Variants in ADAM8 observed in about 807,000 individuals in gnomAD.
ADAM8 encodes the protein ADAM metallopeptidase domain 8, also known as disintegrin and metalloproteinase domain-containing protein 8.
In ADAM8, 104 loss-of-function variants were observed where a neutral mutation model predicts 102.4. The ratio of observed to expected loss-of-function variants is 1.02; its 90% CI spans 0.87 to 1.20. The LOEUF (loss-of-function observed/expected upper bound fraction) is 1.20, where lower values mean the gene tolerates loss of function less well. Ranked by LOEUF, ADAM8 falls within the 50% of genes most tolerant of loss-of-function variation. The pLI is 0.00. For synonymous variants in ADAM8, 517 were observed against 485.2 expected (o/e 1.07, Z -0.86); for missense variants, 1,132 against 1,159.0 (o/e 0.98, Z 0.34).
intron 21 of ADAM8, among the ~76,000 whole-genome samples, chr10:133,266,209 G>T (rs1846317487): frequency 6.6e-6 from 1 of 152,098 alleles, no homozygotes; most frequent in Admixed American, 6.5e-5. Context: ...AGAGGGGCCG[G>T]GGGCTGAGTG....
At position 133,272,207 on chromosome 10, in the gene ADAM8, CT is replaced by C; in HGVS notation, c.942del (p.Ala316LeufsTer2). On this transcript the variant is annotated frameshift_variant, in exon 10 of 23. Transcript: ENST00000445355. LOFTEE classifies it high-confidence loss of function. ...AGCCCCCTCACCTGGTTCACAGCCCCTGAGCTGTGGGAGCACATGGCGGACA... is the reference window on the plus strand; with the variant it reads ...AGCCCCCTCACCTGGTTCACAGCCCCGAGCTGTGGGAGCACATGGCGGACA... ...ARVSAMCSHS[S>X]GAVNQDHSKN... The C allele has an allele frequency of 1.3e-6, 2 of 1,549,986 alleles. No homozygotes were observed. The highest frequency in any genetic ancestry group is 1.7e-6 in the Non-Finnish European group (2 of 1,146,770).
chr10:133,271,460 C>A, intron 12 of ADAM8, 68 bp downstream of exon 12: 2 of 1,496,774 alleles, frequency 1.3e-6, no homozygotes, highest in Non-Finnish European at 1.8e-6. Flanking sequence ...CAGTGGTCAC[C>A]CTGGCCTGAA....
In ADAM8 at chr10:133,262,853, C is replaced by T; in HGVS notation, c.*303G>A. ...TGTATATGTGGCCTCCTGAACACAG[C>T]GGGAGACCAGCGGCCACCTGGAGAC... is the stretch of plus-strand genomic sequence containing the variant. On this transcript the variant is annotated 3_prime_UTR_variant, in exon 23 of 23. Coordinates refer to ENST00000445355, the MANE Select transcript of ADAM8 (RefSeq NM_001109.5). 2.3e-6 allele frequency: 1 copy of T among 442,246 alleles called. No homozygotes were observed. The highest frequency in any genetic ancestry group is 4.1e-6 in the Non-Finnish European group (1 of 241,366). The allele number at this position is 442,246 out of a possible 1,614,324, so 27.4% of individuals were successfully genotyped here.
chr10:133,266,827 G>T (rs549483039), intron 21 of ADAM8, among the ~76,000 whole-genome samples: 207 of 152,288 alleles, frequency 1.4e-3, no homozygotes, highest in Non-Finnish European at 2.6e-3. Flanking sequence ...GGGCTCCAAG[G>T]TTAGCCCAGA....
rs371417671 is a variant in ADAM8 at position 133,269,990 on chromosome 10, G to A, written c.1786-16C>T. On this transcript the variant is annotated splice_polypyrimidine_tract_variant and intron_variant, in intron 16 of 22. Transcript: ENST00000445355. ...TCCAGCAAACCTGGGGGTAGGAGGC[G>A]TCTCTCAGGCAGCCGCTCTGGACCT... is the stretch of plus-strand genomic sequence containing the variant. 1.6e-5 allele frequency: 25 copies of A among 1,611,934 alleles called. No homozygotes were observed. The highest frequency in any genetic ancestry group is 6.7e-5 in the African/African-American group (5 of 74,922).
At chr10:133,273,731 G>A (rs1296469428) in intron 5 of ADAM8, 31 bp downstream of exon 5, 9 of 1,542,890 alleles carry the variant, frequency 5.8e-6, no homozygotes, top group Admixed American at 2.0e-5. Context: ...CTCCACCTGC[G>A]GGAGCCCTGG....
intron 21 of ADAM8, among the ~76,000 whole-genome samples, chr10:133,264,023 C>A (rs1297940828): frequency 6.6e-6 from 1 of 151,996 alleles, no homozygotes; most frequent in East Asian, 1.9e-4. Flanking sequence ...CCCTAACCAA[C>A]CCCCATATTA....
intron 6 of ADAM8, 96 bp downstream of exon 6, chr10:133,273,158 G>A (rs1037853857): frequency 2.1e-5 from 33 of 1,579,144 alleles, no homozygotes; most frequent in Admixed American, 1.5e-4. Context: ...TGCAGACAAT[G>A]GGCAGCACCC....
intron 18 of ADAM8, chr10:133,269,130 G>A (rs1022088075): frequency 1.4e-4 from 136 of 985,324 alleles, no homozygotes; most frequent in Admixed American, 6.1e-5. Flanking sequence ...AGTGGCCGCC[G>A]GGGAGGAAAT....
chr10:133,271,005 G>T lies in ADAM8; in HGVS notation c.1440C>A (p.Asp480Glu), dbSNP rs539109707. The change falls in exon 14 of 23, where the codon GAC becomes GAA. Residue 480 changes from aspartate (D) to glutamate (E), a missense_variant. Physicochemically the swap from Asp to Glu is conservative, Grantham distance 45. Coordinates refer to ENST00000445355, the MANE Select transcript of ADAM8 (RefSeq NM_001109.5). ...CTTCCGGGCACTCAGGGTGCCGGCC[G>T]TCACAGAACTCCTCGAGGTCACACA... ...KDMCDLEEFCDGRHPECPEDA... is the reference protein window; with the variant it reads ...KDMCDLEEFCEGRHPECPEDA... 6 of 1,612,702 alleles carry T rather than the reference G, an allele frequency of 3.7e-6. No individual in the cohort carries two copies. Among genetic ancestry groups the T allele is most frequent in the African/African-American group, 1.3e-5 (1 of 74,928 alleles).
chr10:133,269,294 G>C, intron 18 of ADAM8, 151 bp downstream of exon 18: 2 of 1,276,682 alleles, frequency 1.6e-6, no homozygotes, highest in Non-Finnish European at 2.1e-6. Context: ...GGACAGACAG[G>C]CTCTGCCTAT....
At chr10:133,273,921 G>C in intron 4 of ADAM8, 30 bp downstream of exon 4, 2 of 1,572,670 alleles carry the variant, frequency 1.3e-6, no homozygotes, top group Non-Finnish European at 1.7e-6. Context: ...GCCCCTACCT[G>C]CCCGCCCAGC....
chr10:133,268,627 G>A (rs1220167613), intron 19 of ADAM8, 121 bp downstream of exon 19: 15 of 1,131,590 alleles, frequency 1.3e-5, no homozygotes, highest in Non-Finnish European at 1.9e-5. Flanking sequence ...ATGACGTCGG[G>A]GCACAGAGGA....
Position 133,272,208 on chromosome 10 carries a change from T to G in ADAM8, c.942A>C (p.Ser314=), listed in dbSNP as rs746574876. The G allele has an allele frequency of 2.5e-5, 38 of 1,549,708 alleles. No homozygotes were observed. The highest frequency in any genetic ancestry group is 1.7e-6 in the Non-Finnish European group (2 of 1,146,726). The change falls in exon 10 of 23, where the codon TCA becomes TCC. Residue 314 remains serine, a synonymous_variant. Transcript: ENST00000445355. ...ARVSAMCSHS[S]GAVNQDHSKN... ...GCCCCCTCACCTGGTTCACAGCCCC[T>G]GAGCTGTGGGAGCACATGGCGGACA...
chr10:133,272,583 T>C lies in ADAM8; in HGVS notation c.708A>G (p.Leu236=). Residue 236 remains leucine, a splice_region_variant and synonymous_variant, in exon 9 of 23, where the codon CTA becomes CTG. Transcript: ENST00000445355. ...VLEVVNHVDK[L]YQKLNFRVVL... Reference sequence around the variant, plus strand: ...CCACACGGAAGTTGAGTTTCTGATATAGCTGGAGAGGTGGTGGAGTCCTGG... The same window carrying C: ...CCACACGGAAGTTGAGTTTCTGATACAGCTGGAGAGGTGGTGGAGTCCTGG... The C allele has an allele frequency of 1.2e-6, 2 of 1,607,738 alleles. No homozygotes were observed. The highest frequency in any genetic ancestry group is 1.3e-5 in the African/African-American group (1 of 74,898).
At chr10:133,270,675 C>T in intron 15 of ADAM8, 61 bp downstream of exon 15, 1 of 1,568,110 alleles carries the variant, frequency 6.4e-7, no homozygotes, top group Non-Finnish European at 8.7e-7. Flanking sequence ...AGAGGCCCTT[C>T]TGGGGCTGAC....
In ADAM8 at chr10:133,268,751, C is replaced by T. The variant is rs1430410926; in HGVS notation, c.2060G>A (p.Ser687Asn). ...VYRKARSRILSRNVAPKTTMG... is the reference protein window; with the variant it reads ...VYRKARSRILNRNVAPKTTMG... Reference sequence around the variant, plus strand: ...TCACAGCCCCCACCACCCTCACCTGCTCAGGATGCGGCTCCGGGCTTTGCG... The same window carrying T: ...TCACAGCCCCCACCACCCTCACCTGTTCAGGATGCGGCTCCGGGCTTTGCG... The change falls in exon 19 of 23, where the codon AGC (serine) becomes AAC (asparagine). Residue 687 changes from serine (S) to asparagine (N), a missense_variant. Physicochemically the swap from Ser to Asn is conservative, Grantham distance 46 (BLOSUM62 1). Coordinates refer to ENST00000445355, the MANE Select transcript of ADAM8 (RefSeq NM_001109.5). 6.2e-7 allele frequency: 1 copy of T among 1,609,790 alleles called. No homozygotes were observed. The highest frequency in any genetic ancestry group is 1.1e-5 in the South Asian group (1 of 90,880).
intron 10 of ADAM8, 63 bp downstream of exon 10, chr10:133,272,130 G>A (rs1488938581): frequency 4.6e-6 from 7 of 1,521,800 alleles, no homozygotes; most frequent in South Asian, 2.4e-5. Context: ...CCTGGACCGA[G>A]GCGTCCCCTC....
chr10:133,268,871 C>T lies in ADAM8; in HGVS notation c.1949-9G>A. On this transcript the variant is annotated splice_polypyrimidine_tract_variant and intron_variant, in intron 18 of 22. Coordinates refer to ENST00000445355, the MANE Select transcript of ADAM8 (RefSeq NM_001109.5). ...GGGGAGGCTCCCGGACGCTGTGGGA[C>T]ACACGGCCCCACATCAGGCAGGCAG... 1 of 1,602,550 alleles carries T rather than the reference C, an allele frequency of 6.2e-7. No homozygotes were observed. Among genetic ancestry groups the T allele is most frequent in the Non-Finnish European group, 8.5e-7 (1 of 1,179,076 alleles).
Sources: allele counts gnomAD v4.1 joint callset (sites outside exome capture counted in the v4.1 genomes callset), GRCh38; gene constraint gnomAD v4.1.1; transcripts MANE v1.5; gene names NCBI Gene and HGNC (gene_info 2026-07-23, HGNC 2026-07-21).